NAALADL2: variants seen among roughly 807,000 people sequenced by gnomAD.
NAALADL2 encodes N-acetylated alpha-linked acidic dipeptidase like 2, also known as inactive N-acetylated-alpha-linked acidic dipeptidase-like protein 2.
Under a neutral mutation model 87.2 loss-of-function variants are expected in NAALADL2, and 76 were observed. The observed-to-expected ratio is 0.87, with a 90% CI of 0.72 to 1.05. The LOEUF (loss-of-function observed/expected upper bound fraction) is 1.05, where lower values mean the gene tolerates loss of function less well. NAALADL2 is among the 50% of genes least tolerant of loss of function. The pLI, the probability that NAALADL2 is intolerant of heterozygous loss-of-function variation, is 0.00. For missense variants in NAALADL2, 1,089 were observed against 945.8 expected, an observed-to-expected ratio of 1.15 and a Z score of -1.99; for synonymous variants, 354 against 331.0, an observed-to-expected ratio of 1.07 and a Z score of -0.75.
intron 2 of NAALADL2, among the ~76,000 whole-genome samples, chr3:175,164,417 A>G (rs559465245): frequency 1.3e-5 from 2 of 152,038 alleles, no homozygotes; most frequent in South Asian, 2.1e-4. Flanking sequence ...CCCTCAACTA[A>G]TAGAAATAAA....
rs558516758 is a variant in NAALADL2 at position 175,379,108 on chromosome 3, A to T, written c.1090+54783A>T. ...GTGATTAAGTGTGAATTTTGTGGACAGATTGCCTGTCCCCAAATTTTGGAC... is the reference window on the plus strand; with the variant it reads ...GTGATTAAGTGTGAATTTTGTGGACTGATTGCCTGTCCCCAAATTTTGGAC... On this transcript the variant is annotated intron_variant, in intron 5 of 13. Transcript: ENST00000454872. Among the ~76,000 whole-genome samples, 12 of 152,138 alleles carry T rather than the reference A, an allele frequency of 7.9e-5. No individual in the cohort carries two copies. In the South Asian group the frequency reaches 2.5e-3, roughly 32 times the overall value.
At chr3:174,965,492 G>A (rs528655729) in intron 1 of NAALADL2, among the ~76,000 whole-genome samples, 20 of 152,256 alleles carry the variant, frequency 1.3e-4, no homozygotes, top group African/African-American at 4.8e-4. Context: ...CTTCAGTGGT[G>A]AAGTGTAAAG....
Position 174,685,255 on chromosome 3 carries a change from C to G in NAALADL2, c.-114-52386C>G, listed in dbSNP as rs148201669. Among the ~76,000 whole-genome samples, 798 of 152,176 alleles carry G rather than the reference C, an allele frequency of 5.2e-3. 7 individuals are homozygous for G. The highest frequency in any genetic ancestry group is 0.018 in the African/African-American group (753 of 41,528). On this transcript the variant is annotated intron_variant, in intron 2 of 3. Coordinates refer to the NAALADL2 transcript ENST00000434257. The stretch of plus-strand genomic sequence containing the variant: ...CCTTGGTCTTCCTTCAGTTCTTTGC[C>G]TCTTGGTAAATGGCAGCTGCATCCT...
chr3:175,297,988 T>C (rs1352264926), intron 4 of NAALADL2, among the ~76,000 whole-genome samples: 2 of 152,208 alleles, frequency 1.3e-5, no homozygotes, highest in African/African-American at 2.4e-5. Context: ...TATTTGCTAA[T>C]TGTTGTATTC....
At chr3:175,004,376 C>CAAAAAAAAA (rs538715061) in intron 1 of NAALADL2, among the ~76,000 whole-genome samples, 7 of 33,852 alleles carry the variant, frequency 2.1e-4, no homozygotes, top group Non-Finnish European at 3.8e-4. Context: ...GAGACTATTT[C>CAAAAAAAAA]AAAAAAAAAA....
At chr3:174,948,129 C>T (rs1432895645) in intron 1 of NAALADL2, among the ~76,000 whole-genome samples, 2 of 151,900 alleles carry the variant, frequency 1.3e-5, no homozygotes, top group Admixed American at 6.6e-5. Flanking sequence ...GGCATTCTTA[C>T]ACATAAATAT....
At chr3:175,655,022 G>T (rs1731262385) in intron 11 of NAALADL2, among the ~76,000 whole-genome samples, 1 of 151,516 alleles carries the variant, frequency 6.6e-6, no homozygotes, top group Admixed American at 6.6e-5. Flanking sequence ...GTGTCACACT[G>T]AGCTCACTCC....
intron 1 of NAALADL2, among the ~76,000 whole-genome samples, chr3:175,020,791 A>G (rs534123699): frequency 1.3e-5 from 2 of 152,038 alleles, no homozygotes; most frequent in African/African-American, 4.8e-5. Context: ...CGCAACTACA[A>G]TTTACCGTAC....
chr3:175,005,551 A>G (rs1748895275), intron 1 of NAALADL2, among the ~76,000 whole-genome samples: 1 of 152,220 alleles, frequency 6.6e-6, no homozygotes, highest in African/African-American at 2.4e-5. Context: ...AGGAATAAAT[A>G]AACAATAAAA....
intron 2 of NAALADL2, among the ~76,000 whole-genome samples, chr3:174,679,945 A>T (rs1337031345): frequency 1.3e-5 from 2 of 152,070 alleles, no homozygotes; most frequent in Non-Finnish European, 2.9e-5. Context: ...AAAGCGTGAA[A>T]ATTGAGGGTG....
intron 4 of NAALADL2, among the ~76,000 whole-genome samples, chr3:175,293,010 C>G (rs1755842248): frequency 1.7e-5 from 2 of 119,184 alleles, no homozygotes; most frequent in Non-Finnish European, 3.2e-5. Flanking sequence ...GCACTCCAGC[C>G]TGGGTGACAG....
intron 1 of NAALADL2, among the ~76,000 whole-genome samples, chr3:174,920,723 G>A (rs1735055160): frequency 6.6e-6 from 1 of 152,068 alleles, no homozygotes; most frequent in African/African-American, 2.4e-5. Context: ...GGTGCAAGAG[G>A]CCTGGGTTTT....
At chr3:175,703,698 G>A (rs962351860) in intron 11 of NAALADL2, among the ~76,000 whole-genome samples, 4 of 152,060 alleles carry the variant, frequency 2.6e-5, no homozygotes, top group East Asian at 3.9e-4. Context: ...AGCTGAGATC[G>A]TGCCACTGCA....
chr3:175,011,280 C>CAGAGAGAGAGAGAGAG (rs139229550), intron 1 of NAALADL2, among the ~76,000 whole-genome samples: 1 of 113,476 alleles, frequency 8.8e-6, no homozygotes, highest in Non-Finnish European at 1.7e-5. Context: ...GACAGAGAGA[C>CAGAGAGAGAGAGAGAG]AGAGAGAGAG....
rs781333758 is a variant in NAALADL2, at chr3:174,844,835, G to GTTTTTTTT, written c.-9+107109_-9+107116dup. ...ATGAACTTGTTTATTAGTTCTAATG[G>GTTTTTTTT]TTTTTTTTTTTTTTTTTTTTTTTTT... is the stretch of plus-strand genomic sequence containing the variant. On this transcript the variant is annotated intron_variant, in intron 3 of 3. Coordinates refer to the NAALADL2 transcript ENST00000434257. 4.0e-4 allele frequency among the ~76,000 whole-genome samples: 14 copies of GTTTTTTTT among 35,442 alleles called. 4 individuals carry two copies. The highest frequency in any genetic ancestry group is 1.1e-3 in the African/African-American group (9 of 7,888). 23.3% of individuals were successfully genotyped at this position (35,442 alleles called of 152,430 possible).
At chr3:175,461,376 A>G (rs2149263159) in intron 6 of NAALADL2, among the ~76,000 whole-genome samples, 1 of 152,246 alleles carries the variant, frequency 6.6e-6, no homozygotes, top group Middle Eastern at 3.4e-3. Flanking sequence ...ATTTTTACAG[A>G]GTGCTGATTG....
intron 9 of NAALADL2, among the ~76,000 whole-genome samples, chr3:175,473,430 A>G (rs892285020): frequency 1.3e-5 from 2 of 151,924 alleles, no homozygotes; most frequent in African/African-American, 4.8e-5. Flanking sequence ...CTGTGTATGT[A>G]TGTGTTCATG....
intron 3 of NAALADL2, among the ~76,000 whole-genome samples, chr3:174,739,019 A>C: frequency 6.6e-6 from 1 of 152,150 alleles, no homozygotes; most frequent in South Asian, 2.1e-4. Context: ...TTATTTCTTA[A>C]TTTGTATTTT....
chr3:175,634,079 C>T (rs1468392509), intron 11 of NAALADL2, among the ~76,000 whole-genome samples: 2 of 151,576 alleles, frequency 1.3e-5, no homozygotes, highest in Non-Finnish European at 3.0e-5. Context: ...TATATTTTCC[C>T]TTACTTTATA....
Sources: allele counts gnomAD v4.1 joint callset (sites outside exome capture counted in the v4.1 genomes callset), GRCh38; gene constraint gnomAD v4.1.1; transcripts MANE v1.5; gene names NCBI Gene and HGNC (gene_info 2026-07-23, HGNC 2026-07-21).